Variants in NFASC observed in about 807,000 individuals in gnomAD.
The protein encoded by NFASC is neurofascin, also known as neurofascin homolog.
Under a neutral mutation model 147.5 loss-of-function variants are expected in NFASC, and 43 were observed. That is an observed-to-expected ratio of 0.29 (90% CI 0.23 to 0.38). The LOEUF is 0.38. Ranked by LOEUF, NFASC falls within the 10% of genes least tolerant of loss-of-function variation. The pLI is 1.00. For synonymous variants in NFASC, 622 were observed against 665.5 expected (o/e 0.93, Z 1.01); for missense variants, 1,320 against 1,689.0 (o/e 0.78, Z 3.83).
intron 3 of NFASC, among the ~76,000 whole-genome samples, chr1:204,947,358 A>G (rs759588849): frequency 3.9e-5 from 6 of 152,090 alleles, no homozygotes; most frequent in Non-Finnish European, 8.8e-5. Context: ...CCCACCCTCC[A>G]TCCAGCCCTG....
intron 1 of NFASC, among the ~76,000 whole-genome samples, chr1:204,867,410 CA>C (rs1356211568): frequency 0.029 from 101 of 3,456 alleles, no homozygotes; most frequent in African/African-American, 0.16. Flanking sequence ...CAGAACTCAC[CA>C]CACACACACA....
At chr1:204,983,934 A>T (rs1162998081) in intron 21 of NFASC, 2 of 778,474 alleles carry the variant, frequency 2.6e-6, no homozygotes, top group Non-Finnish European at 4.5e-6. Flanking sequence ...CCCAGTGTTG[A>T]GTGGAGTGCA....
chr1:204,991,377 C>T (rs1038606306), intron 24 of NFASC, 71 bp downstream of exon 24: 18 of 1,528,566 alleles, frequency 1.2e-5, no homozygotes, highest in South Asian at 4.6e-5. Flanking sequence ...CCAGCCAGGG[C>T]GGACAAGGAG....
chr1:204,987,473 C>T lies in NFASC; in HGVS notation c.2526C>T (p.Asn842=). Residue 842 remains asparagine (N), a synonymous_variant, in exon 22 of 30, where the codon AAC becomes AAT. Coordinates refer to ENST00000339876, the MANE Select transcript of NFASC (RefSeq NM_001005388.3). This position sits in a 1 kb window ranked among gnomAD's most constrained non-coding sequence, Gnocchi z 4.4. ...GGCAGCCCAACCTGGAGACAATCAA[C>T]CTGGAATGGGATCATCCTGAGCATC... ...RVRQPNLETI[N]LEWDHPEHPN... is the part of the protein sequence containing the mutation. The T allele has an allele frequency of 1.9e-6, 3 of 1,614,028 alleles. No homozygotes were observed. The South Asian group carries it at 3.3e-5, about 18-fold the overall frequency.
At chr1:204,873,918 C>T (rs1277912082) in intron 1 of NFASC, among the ~76,000 whole-genome samples, 2 of 152,186 alleles carry the variant, frequency 1.3e-5, no homozygotes, top group African/African-American at 2.4e-5. Flanking sequence ...TAACACCCTG[C>T]AAGTAGCATG....
At chr1:204,949,902 A>G (rs1334661284) in intron 3 of NFASC, among the ~76,000 whole-genome samples, 1 of 152,254 alleles carries the variant, frequency 6.6e-6, no homozygotes, top group East Asian at 1.9e-4. Flanking sequence ...AAAGCACAGA[A>G]AGGAGCTGTA....
chr1:204,866,313 G>A (rs1358838128), intron 1 of NFASC, among the ~76,000 whole-genome samples: 1 of 152,192 alleles, frequency 6.6e-6, no homozygotes, highest in Non-Finnish European at 1.5e-5. Flanking sequence ...ATCAAGGGAT[G>A]CTAAAGGAAA....
chr1:204,926,047 A>G (rs760401796), intron 2 of NFASC, among the ~76,000 whole-genome samples: 3 of 151,580 alleles, frequency 2.0e-5, no homozygotes, highest in Non-Finnish European at 2.9e-5. Context: ...GATAGAGACC[A>G]GACAGTTTGT....
rs1288409079 is a variant in NFASC, at chr1:205,020,674, G to A, written c.*4135G>A. On this transcript the variant is annotated 3_prime_UTR_variant, in exon 30 of 30. Coordinates refer to ENST00000339876, the MANE Select transcript of NFASC (RefSeq NM_001005388.3). ...TTAGGGCATCACAAACAGCCCATTT[G>A]ATGGAGGGAGCAGGGACATAGCACA... 2 of 152,290 alleles carry A rather than the reference G, an allele frequency of 1.3e-5. No individual in the cohort carries two copies. Among genetic ancestry groups the A allele is most frequent in the Non-Finnish European group, 2.9e-5 (2 of 68,074 alleles). The allele number at this position is 152,290 out of a possible 1,614,324, so 9.4% of individuals were successfully genotyped here.
chr1:205,009,792 G>T, intron 28 of NFASC, 104 bp downstream of exon 28: 2 of 1,202,302 alleles, frequency 1.7e-6, no homozygotes, highest in Non-Finnish European at 2.4e-6. Flanking sequence ...TCTCAGTGAA[G>T]CCAGCCCTTG....
intron 1 of NFASC, among the ~76,000 whole-genome samples, chr1:204,906,132 G>A (rs77733547): frequency 0.033 from 4,955 of 152,112 alleles, 123 homozygotes; most frequent in Non-Finnish European, 0.05. Flanking sequence ...GTCACTCATC[G>A]TGAGGTGTAT....
chr1:204,846,798 G>T (rs767656871), intron 1 of NFASC, among the ~76,000 whole-genome samples: 1 of 152,150 alleles, frequency 6.6e-6, no homozygotes, highest in Non-Finnish European at 1.5e-5. Context: ...GTGGCTGCTG[G>T]CTAGCTTGCT....
At chr1:204,867,719 C>A (rs1404094885) in intron 1 of NFASC, among the ~76,000 whole-genome samples, 2 of 152,206 alleles carry the variant, frequency 1.3e-5, no homozygotes, top group Non-Finnish European at 2.9e-5. Context: ...CCCAGAGACA[C>A]ACATGCTATC....
At chr1:204,884,239 T>C (rs1051771957) in intron 1 of NFASC, among the ~76,000 whole-genome samples, 1 of 152,102 alleles carries the variant, frequency 6.6e-6, no homozygotes, top group Non-Finnish European at 1.5e-5. Context: ...AGCATCTATA[T>C]GTAGGGCAGC....
At chr1:204,875,230 C>T (rs1401089835) in intron 1 of NFASC, among the ~76,000 whole-genome samples, 3 of 152,158 alleles carry the variant, frequency 2.0e-5, no homozygotes, top group African/African-American at 7.2e-5. Context: ...TCCAAATCTC[C>T]TGTTCACATT....
intron 1 of NFASC, among the ~76,000 whole-genome samples, chr1:204,844,542 A>G (rs151139485): frequency 5.9e-5 from 9 of 152,346 alleles, no homozygotes; most frequent in African/African-American, 2.2e-4. Context: ...TAGAGAAAGT[A>G]TGCCAGGCAT....
chr1:204,994,406 CTG>C (rs1007279582), intron 24 of NFASC, among the ~76,000 whole-genome samples: 3 of 152,218 alleles, frequency 2.0e-5, no homozygotes, highest in Admixed American at 1.3e-4. Context: ...CTTGACACCT[CTG>C]TCCCCCAGCT....
chr1:204,942,561 A>C (rs1017639739), intron 2 of NFASC, among the ~76,000 whole-genome samples: 2 of 152,222 alleles, frequency 1.3e-5, no homozygotes, highest in African/African-American at 4.8e-5. Context: ...TTATGAGTGG[A>C]GAGTAAATCA....
At chr1:204,844,091 G>A (rs901157324) in intron 1 of NFASC, among the ~76,000 whole-genome samples, 1 of 152,114 alleles carries the variant, frequency 6.6e-6, no homozygotes, top group Admixed American at 6.6e-5. Flanking sequence ...CATGCATCTG[G>A]TCTTGGAAAT....
Sources: allele counts gnomAD v4.1 joint callset (sites outside exome capture counted in the v4.1 genomes callset), GRCh38; gene constraint gnomAD v4.1.1; non-coding constraint Gnocchi (gnomAD v3.1); transcripts MANE v1.5; gene names NCBI Gene and HGNC (gene_info 2026-07-23, HGNC 2026-07-21).